The following RALGPS1 variants were observed in gnomAD, a reference collection of about 807,000 sequenced individuals.
RALGPS1 encodes Ral GEF with PH domain and SH3 binding motif 1.
A neutral mutation model predicts 78.8 loss-of-function variants in RALGPS1; 19 were observed. That is an observed-to-expected ratio of 0.24 (90% CI 0.17 to 0.35). The LOEUF (loss-of-function observed/expected upper bound fraction) is 0.35. Among genes scored for constraint, RALGPS1 ranks in the 10% least tolerant of loss-of-function variants. The pLI is 1.00. For missense variants in RALGPS1, 454 were observed against 688.3 expected, an observed-to-expected ratio of 0.66 and a Z score of 3.81; for synonymous variants, 228 against 256.3, an observed-to-expected ratio of 0.89 and a Z score of 1.06.
chr9:127,124,729 A>G lies in RALGPS1; in HGVS notation c.611-41340A>G, dbSNP rs1556888. Among the ~76,000 whole-genome samples, 1,334 of 152,316 alleles carry G rather than the reference A, an allele frequency of 8.8e-3. 26 individuals carry two copies. The highest frequency in any genetic ancestry group is 0.03 in the African/African-American group (1,257 of 41,548). On this transcript the variant is annotated intron_variant, in intron 8 of 18. Coordinates refer to ENST00000259351, the MANE Select transcript of RALGPS1 (RefSeq NM_014636.3). Reference sequence around the variant, plus strand: ...GTTAGAGAGGTGGAACTTTATTCCAAAGACAGTAAGGAGCCACTGAAAGGT... The same window carrying G: ...GTTAGAGAGGTGGAACTTTATTCCAGAGACAGTAAGGAGCCACTGAAAGGT...
intron 8 of RALGPS1, among the ~76,000 whole-genome samples, chr9:127,110,455 T>G (rs924066034): frequency 6.6e-6 from 1 of 152,166 alleles, no homozygotes; most frequent in Non-Finnish European, 1.5e-5. Context: ...TCCTCAGAAT[T>G]TTCTTTACCT....
At chr9:127,177,946 C>T in intron 11 of RALGPS1, 1 of 1,548,524 alleles carries the variant, frequency 6.5e-7, no homozygotes. Flanking sequence ...GCATCAGAGC[C>T]CTGGCAGGGG....
chr9:126,989,298 G>T (rs540167053), intron 4 of RALGPS1, among the ~76,000 whole-genome samples: 1 of 152,282 alleles, frequency 6.6e-6, no homozygotes, highest in South Asian at 2.1e-4. Context: ...TTGAGGCATG[G>T]GGGCACCCAG....
chr9:126,915,718 G>A (rs2034085918), intron 1 of RALGPS1, among the ~76,000 whole-genome samples: 1 of 151,010 alleles, frequency 6.6e-6, no homozygotes, highest in Non-Finnish European at 1.5e-5. Context: ...TAAGTGGGGC[G>A]CGCTGTTTTT....
chr9:127,089,998 C>T (rs1405219579), intron 8 of RALGPS1, among the ~76,000 whole-genome samples: 3 of 152,154 alleles, frequency 2.0e-5, no homozygotes, highest in Non-Finnish European at 4.4e-5. Context: ...TGGCCGAGGC[C>T]GTGGGATGAG....
chr9:127,113,199 A>G (rs943022243), intron 8 of RALGPS1, among the ~76,000 whole-genome samples: 1 of 152,194 alleles, frequency 6.6e-6, no homozygotes, highest in South Asian at 2.1e-4. Context: ...TGTTTTATCA[A>G]CGGAGACATT....
chr9:127,162,801 G>A (rs1004511433), intron 8 of RALGPS1, among the ~76,000 whole-genome samples: 4 of 152,220 alleles, frequency 2.6e-5, no homozygotes, highest in African/African-American at 9.6e-5. Flanking sequence ...GGGCAGCACA[G>A]GGTGCACCTT....
At chr9:126,931,559 G>A (rs890133534) in intron 1 of RALGPS1, among the ~76,000 whole-genome samples, 24 of 152,156 alleles carry the variant, frequency 1.6e-4, no homozygotes, top group African/African-American at 5.3e-4. Flanking sequence ...GAAACGTGTA[G>A]AAGAGGCAAA....
chr9:127,116,000 G>A (rs991135431), intron 8 of RALGPS1, among the ~76,000 whole-genome samples: 8 of 152,184 alleles, frequency 5.3e-5, no homozygotes, highest in Non-Finnish European at 1.0e-4. Flanking sequence ...GGGGAGTCTG[G>A]AGTCAATTCC....
chr9:127,219,392 A>G lies in RALGPS1; in HGVS notation c.*623A>G, dbSNP rs1439986632. On this transcript the variant is annotated 3_prime_UTR_variant, in exon 19 of 19. Coordinates refer to ENST00000259351, the MANE Select transcript of RALGPS1 (RefSeq NM_014636.3). The surrounding 1 kb of genome is among the most constrained non-coding windows in gnomAD (Gnocchi z 5.0). ...AAGTTATAGCCCTGTCCACCGAGGA[A>G]GGTCAGGGTGAGAGCCTAGATTCCT... 6.5e-6 allele frequency: 1 copy of G among 153,476 alleles called. No individual in the cohort carries two copies. The highest frequency in any genetic ancestry group is 2.4e-5 in the African/African-American group (1 of 41,456). 9.5% of individuals were successfully genotyped at this position (153,476 alleles called of 1,614,324 possible).
At chr9:126,923,763 G>A (rs2034997993) in intron 1 of RALGPS1, among the ~76,000 whole-genome samples, 1 of 152,178 alleles carries the variant, frequency 6.6e-6, no homozygotes, top group Non-Finnish European at 1.5e-5. Flanking sequence ...TTCAGCTCAT[G>A]GCCTCAAGCG....
chr9:126,932,096 AG>A (rs2035847238), intron 1 of RALGPS1, among the ~76,000 whole-genome samples: 2 of 152,208 alleles, frequency 1.3e-5, no homozygotes, highest in South Asian at 4.1e-4. Context: ...GCATATTTGA[AG>A]ATCTGGGTGC....
At chr9:127,209,476 C>T (rs189672787) in intron 14 of RALGPS1, among the ~76,000 whole-genome samples, 84 of 152,314 alleles carry the variant, frequency 5.5e-4, no homozygotes, top group Admixed American at 1.4e-3. Context: ...ACCAGGGCCT[C>T]TCTTGTCTGT....
Position 127,212,547 on chromosome 9 carries a change from T to G in RALGPS1, c.1354-80T>G. ...GGGGCCTGCACTGGCATTGATGGGATGGCTGGGTCTGTAATCGGCCAGGGA... is the reference window on the plus strand; with the variant it reads ...GGGGCCTGCACTGGCATTGATGGGAGGGCTGGGTCTGTAATCGGCCAGGGA... On this transcript the variant is annotated intron_variant, in intron 15 of 18. Coordinates refer to ENST00000259351, the MANE Select transcript of RALGPS1 (RefSeq NM_014636.3). The surrounding 1 kb of genome is among the most constrained non-coding windows in gnomAD (Gnocchi z 6.0). 9.9e-7 allele frequency: 1 copy of G among 1,010,550 alleles called. No individual in the cohort carries two copies. The highest frequency in any genetic ancestry group is 1.5e-6 in the Non-Finnish European group (1 of 680,668). 62.6% of individuals were successfully genotyped at this position (1,010,550 alleles called of 1,614,324 possible).
intron 8 of RALGPS1, among the ~76,000 whole-genome samples, chr9:127,083,394 G>A (rs534126433): frequency 2.5e-4 from 38 of 152,326 alleles, no homozygotes; most frequent in African/African-American, 8.9e-4. Context: ...ATGCCATCTG[G>A]TGCCATGTGC....
chr9:127,203,725 G>A (rs1328991441), intron 14 of RALGPS1, among the ~76,000 whole-genome samples: 1 of 152,232 alleles, frequency 6.6e-6, no homozygotes, highest in Non-Finnish European at 1.5e-5. Context: ...GGATGCAGTG[G>A]GAGGATCCAA....
intron 14 of RALGPS1, among the ~76,000 whole-genome samples, chr9:127,206,148 G>C (rs1417905372): frequency 6.6e-6 from 1 of 152,216 alleles, no homozygotes; most frequent in Non-Finnish European, 1.5e-5. Context: ...TTCCCATCCA[G>C]GGTGCGCAGG....
intron 8 of RALGPS1, among the ~76,000 whole-genome samples, chr9:127,098,060 A>T (rs193037833): frequency 2.9e-3 from 437 of 151,824 alleles, no homozygotes; most frequent in Admixed American, 4.8e-3. Context: ...GAAGTTGTTC[A>T]CCCCCCCAAC....
In RALGPS1 at chr9:127,088,622, A is replaced by G. The variant is rs367751396; in HGVS notation, c.610+19266A>G. On this transcript the variant is annotated intron_variant, in intron 8 of 18. Coordinates refer to ENST00000259351, the MANE Select transcript of RALGPS1 (RefSeq NM_014636.3). ...ACGTGCACAAGGGAGGCTCATACAC[A>G]TGTATATTATGAAGGTACTTTGCAG... 11 of 404,946 alleles carry G rather than the reference A, an allele frequency of 2.7e-5. No homozygotes were observed. The East Asian group carries it at 5.1e-4, about 19-fold the overall frequency. 25.1% of individuals were successfully genotyped at this position (404,946 alleles called of 1,614,324 possible). A position where few individuals can be genotyped will look rare whatever the true frequency, so the allele number is the denominator to read the frequency against.
Sources: allele counts gnomAD v4.1 joint callset (sites outside exome capture counted in the v4.1 genomes callset), GRCh38; gene constraint gnomAD v4.1.1; non-coding constraint Gnocchi (gnomAD v3.1); transcripts MANE v1.5; gene names NCBI Gene and HGNC (gene_info 2026-07-23, HGNC 2026-07-21).